Variants in PCDHGA9 observed in about 807,000 individuals in gnomAD.
PCDHGA9 encodes the protein protocadherin gamma-A9.
In PCDHGA9, 37 loss-of-function variants were observed where a neutral mutation model predicts 62.5. The observed-to-expected ratio is 0.59, with a 90% CI of 0.46 to 0.78. PCDHGA9 has a LOEUF of 0.78. Among genes scored for constraint, PCDHGA9 ranks in the 30% least tolerant of loss-of-function variants. PCDHGA9 has a pLI of 0.00. For missense variants in PCDHGA9, 1,138 were observed against 1,166.2 expected, an observed-to-expected ratio of 0.98 and a Z score of 0.35; for synonymous variants, 459 against 484.6, an observed-to-expected ratio of 0.95 and a Z score of 0.69.
chr5:141,503,773 C>A (rs961986223), intron 2 of PCDHGA9, among the ~76,000 whole-genome samples: 1 of 152,204 alleles, frequency 6.6e-6, no homozygotes. Context: ...TGTGTCTGTT[C>A]TTAGGCTGAG....
chr5:141,507,251 A>G (rs958917337), intron 3 of PCDHGA9: 3 of 152,400 alleles, frequency 2.0e-5, no homozygotes, highest in Non-Finnish European at 4.4e-5. Context: ...TGAATGTCAG[A>G]TAAACAGCAA....
intron 2 of PCDHGA9, among the ~76,000 whole-genome samples, chr5:141,504,479 G>T (rs1270717855): frequency 6.6e-6 from 1 of 152,100 alleles, no homozygotes; most frequent in African/African-American, 2.4e-5. Context: ...TGGGAGTACA[G>T]TGGAGGCACC....
intron 1 of PCDHGA9, chr5:141,420,388 A>G (rs986892784): frequency 3.1e-6 from 4 of 1,282,144 alleles, no homozygotes; most frequent in Non-Finnish European, 4.1e-6. Context: ...TTCGCAAAAT[A>G]TAGGTCAAAT....
At chr5:141,467,699 T>A (rs1368755814) in intron 1 of PCDHGA9, among the ~76,000 whole-genome samples, 1 of 152,194 alleles carries the variant, frequency 6.6e-6, no homozygotes, top group Non-Finnish European at 1.5e-5. Context: ...TCTGGCTCTG[T>A]TGCCCAGGCT....
chr5:141,408,556 T>C (rs1215804867), intron 1 of PCDHGA9: 3 of 1,613,940 alleles, frequency 1.9e-6, no homozygotes, highest in Non-Finnish European at 2.5e-6. Context: ...ATATTTTTCA[T>C]GTCATTGTGG....
rs1477077191 is a variant in PCDHGA9, at chr5:141,427,802, C to T, written c.2424+22426C>T. 7.3e-6 allele frequency: 11 copies of T among 1,510,148 alleles called. No individual in the cohort carries two copies. In the South Asian group the frequency reaches 9.0e-5, roughly 12 times the overall value. The allele number at this position is 1,510,148 out of a possible 1,614,324, so 93.5% of individuals were successfully genotyped here. A position where few individuals can be genotyped will look rare whatever the true frequency, so the allele number is the denominator to read the frequency against. On this transcript the variant is annotated intron_variant, in intron 1 of 3. Transcript: ENST00000573521. ...CACTGTCGTCCTACGTGTCCGTGAG[C>T]GCACAGAGCGGGGTGGTGGTCGCGC... is the stretch of plus-strand genomic sequence containing the variant.
intron 1 of PCDHGA9, among the ~76,000 whole-genome samples, chr5:141,484,740 G>GA (rs1047805396): frequency 2.0e-5 from 3 of 150,646 alleles, no homozygotes; most frequent in Admixed American, 1.3e-4. Context: ...GGTGTGTTAG[G>GA]AAAAAAAATG....
chr5:141,430,830 G>C, intron 1 of PCDHGA9: 1 of 1,554,968 alleles, frequency 6.4e-7, no homozygotes, highest in Non-Finnish European at 8.7e-7. Context: ...GGGACTCTGT[G>C]GGAGACCGGA....
In PCDHGA9 at chr5:141,485,910, G is replaced by C. The variant is rs142273728; in HGVS notation, c.2425-8897G>C. On this transcript the variant is annotated intron_variant, in intron 1 of 3. Transcript: ENST00000573521. The surrounding 1 kb of genome is among the most constrained non-coding windows in gnomAD (Gnocchi z 5.7). ...AACGCCCCAGCCTTCCAGCAATCCAGCTACAGGATTAGTGTGTTGGAGAGC... is the reference window on the plus strand; with the variant it reads ...AACGCCCCAGCCTTCCAGCAATCCACCTACAGGATTAGTGTGTTGGAGAGC... The C allele has an allele frequency of 1.2e-6, 2 of 1,614,078 alleles. No homozygotes were observed. Among genetic ancestry groups the C allele is most frequent in the African/African-American group, 2.7e-5 (2 of 74,932 alleles).
At chr5:141,478,247 G>C (rs1377698933) in intron 1 of PCDHGA9, 1 of 1,613,956 alleles carries the variant, frequency 6.2e-7, no homozygotes, top group Non-Finnish European at 8.5e-7. Context: ...CACAGTGTTC[G>C]GAGTAATCAT....
At position 141,431,106 on chromosome 5, in the gene PCDHGA9, T is replaced by C. The variant is rs566174531; in HGVS notation, c.2424+25730T>C. 25 of 1,614,108 alleles carry C rather than the reference T, an allele frequency of 1.5e-5. No homozygotes were observed. In the South Asian group the frequency reaches 2.7e-4, roughly 18 times the overall value. On this transcript the variant is annotated intron_variant, in intron 1 of 3. Transcript: ENST00000573521. This position sits in a 1 kb window ranked among gnomAD's most constrained non-coding sequence, Gnocchi z 4.8. ...ATTCTGATGGAGGATAAAGTGAAAA[T>C]ATATGGAGTAGAAGTAGAAGTAAGG...
At chr5:141,419,094 G>C in intron 1 of PCDHGA9, 2 of 1,613,894 alleles carry the variant, frequency 1.2e-6, no homozygotes, top group Non-Finnish European at 1.7e-6. Context: ...GCCCTGGATC[G>C]GGAGCAGACC....
At chr5:141,410,235 G>T (rs753193390) in intron 1 of PCDHGA9, 1 of 1,613,852 alleles carries the variant, frequency 6.2e-7, no homozygotes, top group Non-Finnish European at 8.5e-7. Context: ...CTCAGCGACC[G>T]CCCTGTACTC....
At chr5:141,418,669 C>T (rs2096278985) in intron 1 of PCDHGA9, 1 of 1,614,018 alleles carries the variant, frequency 6.2e-7, no homozygotes, top group Non-Finnish European at 8.5e-7. Flanking sequence ...CTGACCAGGA[C>T]GAGGGCATCA....
intron 1 of PCDHGA9, chr5:141,430,769 G>T: frequency 6.6e-7 from 1 of 1,508,212 alleles, no homozygotes; most frequent in Non-Finnish European, 8.9e-7. Context: ...AATGATTCCT[G>T]CGCGACTGCA....
In PCDHGA9 at chr5:141,404,501, C is replaced by T; in HGVS notation, c.1549C>T (p.Leu517=). 2 of 1,613,792 alleles carry T rather than the reference C, an allele frequency of 1.2e-6. No homozygotes were observed. Among genetic ancestry groups the T allele is most frequent in the Non-Finnish European group, 1.7e-6 (2 of 1,179,722 alleles). The stretch of plus-strand genomic sequence containing the variant: ...CTCAGACACTGGTGTGCTGTATGCT[C>T]TGTGCTCCTTTGACTATGAGCAGTT... The part of the protein sequence containing the change: ...INSDTGVLYA[L]CSFDYEQFRD... The change falls in exon 1 of 4, where the codon CTG becomes TTG. Residue 517 remains leucine (L), a synonymous_variant. Coordinates refer to ENST00000573521, the MANE Select transcript of PCDHGA9 (RefSeq NM_018921.3).
chr5:141,423,447 T>C (rs1347619382), intron 1 of PCDHGA9: 1 of 1,613,880 alleles, frequency 6.2e-7, no homozygotes, highest in Admixed American at 1.7e-5. Context: ...CCACGTCACA[T>C]TTTGTAGGCG....
intron 2 of PCDHGA9, among the ~76,000 whole-genome samples, chr5:141,498,555 C>T (rs2099784323): frequency 6.6e-6 from 1 of 152,032 alleles, no homozygotes; most frequent in South Asian, 2.1e-4. Flanking sequence ...GACACACCAG[C>T]TTCAAAGCAG....
chr5:141,427,654 T>C (rs2097054872), intron 1 of PCDHGA9: 3 of 727,622 alleles, frequency 4.1e-6, no homozygotes, highest in Non-Finnish European at 7.4e-6. Context: ...TCCTACGTGG[T>C]CCACGTGGCC....
Sources: allele counts gnomAD v4.1 joint callset (sites outside exome capture counted in the v4.1 genomes callset), GRCh38; gene constraint gnomAD v4.1.1; non-coding constraint Gnocchi (gnomAD v3.1); transcripts MANE v1.5; gene names NCBI Gene and HGNC (gene_info 2026-07-23, HGNC 2026-07-21).